SORBS2: variants seen among roughly 807,000 people sequenced by gnomAD.
SORBS2 encodes sorbin and SH3 domain-containing protein 2.
Under a neutral mutation model 97.7 loss-of-function variants are expected in SORBS2, and 46 were observed. The ratio of observed to expected loss-of-function variants is 0.47; its 90% CI spans 0.37 to 0.60. The LOEUF (loss-of-function observed/expected upper bound fraction) is 0.60, where lower values mean the gene tolerates loss of function less well. Ranked by LOEUF, SORBS2 falls within the 20% of genes least tolerant of loss-of-function variation. The pLI is 0.00. For synonymous variants in SORBS2, 476 were observed against 473.4 expected (o/e 1.01, Z -0.07); for missense variants, 1,316 against 1,282.3 (o/e 1.03, Z -0.40).
chr4:185,694,724 T>TTTTTTTTTTTTTG (rs2098149296), intron 2 of SORBS2, among the ~76,000 whole-genome samples: 1 of 148,042 alleles, frequency 6.8e-6, no homozygotes, highest in Non-Finnish European at 1.5e-5. Context: ...TTCTTTTTTT[T>TTTTTTTTTTTTTG]GAGACGGAGT....
At chr4:185,732,090 G>A (rs1282111898) in intron 2 of SORBS2, among the ~76,000 whole-genome samples, 1 of 151,720 alleles carries the variant, frequency 6.6e-6, no homozygotes, top group Non-Finnish European at 1.5e-5. Context: ...ATTTACTACT[G>A]AGGAAGTTAA....
chr4:185,834,489 T>C (rs9999512), intron 1 of SORBS2, among the ~76,000 whole-genome samples: 6,289 of 152,296 alleles, frequency 0.041, 446 homozygotes, highest in African/African-American at 0.14. Flanking sequence ...TTGAAAAGTT[T>C]ACATTCATGT....
intron 12 of SORBS2, among the ~76,000 whole-genome samples, chr4:185,604,189 G>T (rs1310620581): frequency 6.6e-6 from 1 of 152,170 alleles, no homozygotes; most frequent in African/African-American, 2.4e-5. Flanking sequence ...TCTTTTAAAT[G>T]TTTGGATAGA....
chr4:185,947,085 C>T (rs547083445), intron 1 of SORBS2, among the ~76,000 whole-genome samples: 5 of 152,324 alleles, frequency 3.3e-5, no homozygotes, highest in Admixed American at 6.5e-5. Flanking sequence ...TTTGTGTCTC[C>T]GCAGTTCATG....
At chr4:185,754,295 T>C (rs2153602141) in intron 2 of SORBS2, among the ~76,000 whole-genome samples, 1 of 152,222 alleles carries the variant, frequency 6.6e-6, no homozygotes, top group South Asian at 2.1e-4. Flanking sequence ...CACAGCCTAC[T>C]TGAGGGTGGA....
intron 4 of SORBS2, 28 bp downstream of exon 7, chr4:185,678,395 T>A (rs1477345840): frequency 4.6e-6 from 7 of 1,527,226 alleles, no homozygotes; most frequent in Non-Finnish European, 6.2e-6. Context: ...CTTAAAATAA[T>A]GCAGTAGCCA....
rs117743377 is a variant in SORBS2 at position 185,764,273 on chromosome 4, C to T, written c.-198+10954G>A. Reference sequence around the variant, plus strand: ...AAAACAGAAATCCTTTCTTCTCAACCTGTTGACCCAAAACCAGTGTTAAAG... The same window carrying T: ...AAAACAGAAATCCTTTCTTCTCAACTTGTTGACCCAAAACCAGTGTTAAAG... On this transcript the variant is annotated intron_variant, in intron 2 of 20. Transcript: ENST00000284776. Among the ~76,000 whole-genome samples, 241 of 152,264 alleles carry T rather than the reference C, an allele frequency of 1.6e-3. 4 individuals are homozygous for T. The East Asian group carries it at 0.039, about 25-fold the overall frequency.
At position 185,820,939 on chromosome 4, in the gene SORBS2, G is replaced by A. The variant is rs10005480; in HGVS notation, c.-337-45573C>T. 6.2e-3 allele frequency among the ~76,000 whole-genome samples: 937 copies of A among 152,336 alleles called. 10 individuals carry two copies. Among genetic ancestry groups the A allele is most frequent in the African/African-American group, 0.02 (845 of 41,584 alleles). On this transcript the variant is annotated intron_variant, in intron 1 of 20. Coordinates refer to the SORBS2 transcript ENST00000284776. ...GATGACTGGGCCACATGGGTCCCAG[G>A]TGAATGAATTCTATCTGCCCCTTAA...
chr4:185,886,226 G>A (rs761637720), intron 1 of SORBS2, among the ~76,000 whole-genome samples: 1 of 152,090 alleles, frequency 6.6e-6, no homozygotes, highest in Non-Finnish European at 1.5e-5. Context: ...GAGGTGGGCG[G>A]CAGAAAGGCT....
chr4:185,777,098 A>G (rs10017121), intron 1 of SORBS2, among the ~76,000 whole-genome samples: 5,082 of 152,252 alleles, frequency 0.033, 327 homozygotes, highest in East Asian at 0.21. Flanking sequence ...CTATTTAAAA[A>G]CAGTGAAATC....
intron 1 of SORBS2, among the ~76,000 whole-genome samples, chr4:185,908,855 T>A (rs2099253196): frequency 6.6e-6 from 1 of 151,926 alleles, no homozygotes; most frequent in African/African-American, 2.4e-5. Flanking sequence ...AACCCTTGCA[T>A]AACATATAAA....
At position 185,613,420 on chromosome 4, in the gene SORBS2, C is replaced by T. The variant is rs535933918; in HGVS notation, c.2595+1411G>A. On this transcript the variant is annotated intron_variant, in intron 11 of 14. Transcript: ENST00000418609. Reference sequence around the variant, plus strand: ...ATCCCAGCACTTTGGGAGGCCAAGGCGGGCGGATCATGAGGTCAGGAGTTC... The same window carrying T: ...ATCCCAGCACTTTGGGAGGCCAAGGTGGGCGGATCATGAGGTCAGGAGTTC... 3.4e-4 allele frequency among the ~76,000 whole-genome samples: 51 copies of T among 152,176 alleles called. No individual in the cohort carries two copies. In the East Asian group the frequency reaches 6.0e-3, roughly 18 times the overall value.
At chr4:185,593,791 T>C in intron 13 of SORBS2, 95 bp downstream of exon 25, 1 of 797,392 alleles carries the variant, frequency 1.3e-6, no homozygotes, top group Non-Finnish European at 2.2e-6. Context: ...GTTTGATCTT[T>C]CACGTGCAAA....
chr4:185,899,621 T>G (rs1322979222), intron 1 of SORBS2, among the ~76,000 whole-genome samples: 1 of 152,082 alleles, frequency 6.6e-6, no homozygotes, highest in Non-Finnish European at 1.5e-5. Context: ...CTACGCAACA[T>G]GCCCAGGCAC....
chr4:185,635,169 T>C (rs184397815), intron 4 of SORBS2, among the ~76,000 whole-genome samples, 186 bp downstream of exon 16: 19 of 152,304 alleles, frequency 1.2e-4, no homozygotes, highest in Middle Eastern at 6.8e-3. Flanking sequence ...AGTCCAGAGA[T>C]AGCCAACAAC....
At chr4:185,910,051 A>T (rs1278682878) in intron 1 of SORBS2, among the ~76,000 whole-genome samples, 1 of 151,980 alleles carries the variant, frequency 6.6e-6, no homozygotes, top group Non-Finnish European at 1.5e-5. Flanking sequence ...TGTGTGTCTG[A>T]CACTGTTCAA....
intron 12 of SORBS2, among the ~76,000 whole-genome samples, chr4:185,603,143 T>C (rs183611583): frequency 6.6e-6 from 1 of 152,302 alleles, no homozygotes; most frequent in Admixed American, 6.5e-5. Flanking sequence ...CCTGGCTTTG[T>C]CCTGATGCTA....
intron 1 of SORBS2, among the ~76,000 whole-genome samples, chr4:185,906,267 A>C (rs1290488488): frequency 6.6e-6 from 1 of 151,518 alleles, no homozygotes; most frequent in Non-Finnish European, 1.5e-5. Context: ...TCCTGACCTC[A>C]GGTGATCTGC....
intron 1 of SORBS2, among the ~76,000 whole-genome samples, chr4:185,854,388 C>T (rs749687655): frequency 2.6e-5 from 4 of 152,232 alleles, no homozygotes; most frequent in South Asian, 2.1e-4. Flanking sequence ...AGCCTGTCCT[C>T]GTATCATTAG....
Sources: gnomAD v4.1 joint callset for allele counts (sites outside exome capture counted in the v4.1 genomes callset) on GRCh38, gnomAD v4.1.1 for gene constraint, MANE v1.5 for transcripts, NCBI Gene and HGNC (gene_info 2026-07-23, HGNC 2026-07-21) for gene names.